CADM2: variants seen among roughly 807,000 people sequenced by gnomAD.
The protein encoded by CADM2 is cell adhesion molecule 2, also known as immunoglobulin superfamily member 4D.
Under a neutral mutation model 49.8 loss-of-function variants are expected in CADM2, and 12 were observed. The ratio of observed to expected loss-of-function variants is 0.24; its 90% CI spans 0.15 to 0.39. The LOEUF (loss-of-function observed/expected upper bound fraction) is 0.39. CADM2 is among the 10% of genes least tolerant of loss of function. CADM2 has a pLI of 1.00. For missense variants in CADM2, 378 were observed against 492.3 expected (o/e 0.77, Z 2.20); for synonymous variants, 214 against 175.4 (o/e 1.22, Z -1.74).
intron 8 of CADM2, among the ~76,000 whole-genome samples, chr3:86,055,328 T>C (rs755386611): frequency 6.6e-6 from 1 of 152,110 alleles, no homozygotes; most frequent in African/African-American, 2.4e-5. Flanking sequence ...AATTATGATA[T>C]CAAGGTGCAG....
At chr3:85,112,321 A>G (rs1210987302) in intron 1 of CADM2, among the ~76,000 whole-genome samples, 12 of 151,578 alleles carry the variant, frequency 7.9e-5, no homozygotes, top group Admixed American at 7.9e-4. Flanking sequence ...ATCACAGAAT[A>G]CTGCCTCTTA....
intron 2 of CADM2, among the ~76,000 whole-genome samples, chr3:85,747,416 A>G (rs543517848): frequency 6.6e-6 from 1 of 152,228 alleles, no homozygotes; most frequent in African/African-American, 2.4e-5. Context: ...ATGTTTGTAT[A>G]TTAATATAAA....
intron 1 of CADM2, among the ~76,000 whole-genome samples, chr3:85,710,294 C>A (rs1030744328): frequency 1.3e-5 from 2 of 152,098 alleles, no homozygotes; most frequent in Non-Finnish European, 2.9e-5. Context: ...AGATTTCCAA[C>A]CAGCTTTTCT....
chr3:85,622,707 T>G (rs1025066724), intron 1 of CADM2, among the ~76,000 whole-genome samples: 2 of 152,144 alleles, frequency 1.3e-5, no homozygotes, highest in East Asian at 3.9e-4. Context: ...ATGGTTAATT[T>G]AATCAGAATA....
chr3:85,349,670 G>C (rs970250278), intron 1 of CADM2, among the ~76,000 whole-genome samples: 1 of 152,142 alleles, frequency 6.6e-6, no homozygotes, highest in Non-Finnish European at 1.5e-5. Flanking sequence ...TTACTCTGCA[G>C]ATATCACCAA....
chr3:85,500,998 A>G (rs1248799189), intron 1 of CADM2, among the ~76,000 whole-genome samples: 2 of 152,342 alleles, frequency 1.3e-5, no homozygotes, highest in East Asian at 3.9e-4. Context: ...AAACATAGCC[A>G]AAGATATTAT....
At chr3:86,059,406 G>A (rs541412298) in intron 8 of CADM2, among the ~76,000 whole-genome samples, 1 of 151,910 alleles carries the variant, frequency 6.6e-6, no homozygotes, top group Admixed American at 6.6e-5. Context: ...TTTTCTCTTT[G>A]GAGTCTTTAC....
At chr3:86,042,730 G>T (rs897223938) in intron 8 of CADM2, among the ~76,000 whole-genome samples, 12 of 152,144 alleles carry the variant, frequency 7.9e-5, no homozygotes, top group Non-Finnish European at 1.5e-4. Context: ...CTCATTTTAT[G>T]AGGCCAGCAT....
At chr3:85,289,791 TAA>T (rs886685852) in intron 1 of CADM2, among the ~76,000 whole-genome samples, 3 of 152,246 alleles carry the variant, frequency 2.0e-5, no homozygotes, top group African/African-American at 4.8e-5. Context: ...CACTTTGTGC[TAA>T]GACTGCTTAA....
At chr3:85,472,199 G>T (rs2038798875) in intron 1 of CADM2, among the ~76,000 whole-genome samples, 1 of 151,840 alleles carries the variant, frequency 6.6e-6, no homozygotes, top group East Asian at 1.9e-4. Flanking sequence ...TTAATATCAT[G>T]AACATACTTT....
intron 1 of CADM2, among the ~76,000 whole-genome samples, chr3:85,718,915 A>G (rs2067399085): frequency 6.8e-6 from 1 of 146,370 alleles, no homozygotes; most frequent in African/African-American, 2.5e-5. Context: ...TATTATTATT[A>G]TTATTATTAT....
At chr3:85,585,554 A>G (rs1217891930) in intron 1 of CADM2, among the ~76,000 whole-genome samples, 1 of 152,000 alleles carries the variant, frequency 6.6e-6, no homozygotes, top group Non-Finnish European at 1.5e-5. Context: ...TTGTATAAAA[A>G]AACATAGTAT....
At chr3:84,992,342 A>G (rs1335386121) in intron 1 of CADM2, among the ~76,000 whole-genome samples, 1 of 152,198 alleles carries the variant, frequency 6.6e-6, no homozygotes, top group Non-Finnish European at 1.5e-5. Context: ...ATGCTATTTA[A>G]CATTCAGAAA....
intron 1 of CADM2, among the ~76,000 whole-genome samples, chr3:85,594,267 G>A (rs1285107421): frequency 6.6e-6 from 1 of 151,714 alleles, no homozygotes; most frequent in Non-Finnish European, 1.5e-5. Context: ...ATCTCATGAA[G>A]TTAGAACATA....
chr3:85,000,897 A>T (rs984578671), intron 1 of CADM2, among the ~76,000 whole-genome samples: 6 of 152,096 alleles, frequency 3.9e-5, no homozygotes, highest in Non-Finnish European at 4.4e-5. Flanking sequence ...TATCAATAAG[A>T]AAACAAAGTA....
At chr3:85,808,723 T>C (rs2072619392) in intron 3 of CADM2, among the ~76,000 whole-genome samples, 1 of 152,204 alleles carries the variant, frequency 6.6e-6, no homozygotes, top group South Asian at 2.1e-4. Context: ...TTTAAATTTT[T>C]TTAATAATCC....
At chr3:85,981,465 G>C (rs1727478375) in intron 8 of CADM2, among the ~76,000 whole-genome samples, 1 of 151,438 alleles carries the variant, frequency 6.6e-6, no homozygotes, top group African/African-American at 2.4e-5. Context: ...CAGGTAGTAA[G>C]CATAGTATGT....
intron 1 of CADM2, among the ~76,000 whole-genome samples, chr3:85,419,303 A>G (rs910823657): frequency 6.6e-6 from 1 of 152,020 alleles, no homozygotes; most frequent in African/African-American, 2.4e-5. Context: ...AAATTACAAA[A>G]AAAAATTAGC....
intron 1 of CADM2, among the ~76,000 whole-genome samples, chr3:85,085,387 A>AT (rs750802768): frequency 6.6e-6 from 1 of 151,820 alleles, no homozygotes; most frequent in African/African-American, 2.4e-5. Flanking sequence ...AAAGGACAGT[A>AT]TTTTTTTCTT....
Sources: gnomAD v4.1 joint callset for allele counts (sites outside exome capture counted in the v4.1 genomes callset) on GRCh38, gnomAD v4.1.1 for gene constraint, MANE v1.5 for transcripts, NCBI Gene and HGNC (gene_info 2026-07-23, HGNC 2026-07-21) for gene names.